Variants in MCM9 observed in about 807,000 individuals in gnomAD.
The protein encoded by MCM9 is DNA helicase MCM9.
In MCM9, 55 loss-of-function variants were observed where a neutral mutation model predicts 72.8. That is an observed-to-expected ratio of 0.76 (90% CI 0.61 to 0.95). The LOEUF is 0.95. Ranked by LOEUF, MCM9 falls within the 40% of genes least tolerant of loss-of-function variation. MCM9 has a pLI of 0.00. For synonymous variants in MCM9, 480 were observed against 503.4 expected (o/e 0.95, Z 0.62); for missense variants, 1,279 against 1,377.0 (o/e 0.93, Z 1.13).
At chr6:118,840,739 C>G (rs533449765) in intron 9 of MCM9, among the ~76,000 whole-genome samples, 79 of 105,574 alleles carry the variant, frequency 7.5e-4, no homozygotes, top group African/African-American at 1.8e-3. Flanking sequence ...TCCTCCCCCC[C>G]CCCTTTTTTT....
rs773497925 is a variant in MCM9 at position 118,924,176 on chromosome 6, A to G, written c.305-49T>C. 1.1e-5 allele frequency: 16 copies of G among 1,488,046 alleles called. No individual in the cohort carries two copies. The African/African-American group carries it at 2.1e-4, about 19-fold the overall frequency. 92.2% of individuals were successfully genotyped at this position (1,488,046 alleles called of 1,614,324 possible). A position where few individuals can be genotyped will look rare whatever the true frequency, so the allele number is the denominator to read the frequency against. ...GCATCAACTTCAATCTTGAGATTTG[A>G]CTCCAAGGGATATATTCTTCTCCTA... On this transcript the variant is annotated intron_variant, in intron 3 of 13. Transcript: ENST00000619706.
At chr6:118,895,465 C>G (rs951467966) in intron 8 of MCM9, among the ~76,000 whole-genome samples, 1 of 152,206 alleles carries the variant, frequency 6.6e-6, no homozygotes, top group Non-Finnish European at 1.5e-5. Flanking sequence ...GGAAGACTTT[C>G]TTCAAGACCG....
intron 8 of MCM9, among the ~76,000 whole-genome samples, chr6:118,866,805 T>C (rs1436591431): frequency 6.6e-6 from 1 of 152,086 alleles, no homozygotes; most frequent in African/African-American, 2.4e-5. Context: ...GGTAAGAAGA[T>C]AGAAAGCCAG....
chr6:118,849,091 G>A (rs758290975), intron 9 of MCM9, among the ~76,000 whole-genome samples: 4 of 151,668 alleles, frequency 2.6e-5, no homozygotes, highest in Admixed American at 2.6e-4. Context: ...CCAATTCTAC[G>A]CTGCATACAA....
intron 5 of MCM9, 23 bp from the exon 6 acceptor site, chr6:118,917,784 T>C: frequency 6.2e-7 from 1 of 1,602,628 alleles, no homozygotes; most frequent in Non-Finnish European, 8.5e-7. Flanking sequence ...ATCAAGTGAG[T>C]CCAGCAGTAG....
At chr6:118,899,976 C>T (rs1779694403) in intron 8 of MCM9, among the ~76,000 whole-genome samples, 1 of 152,240 alleles carries the variant, frequency 6.6e-6, no homozygotes, top group African/African-American at 2.4e-5. Context: ...TTCTACTCAT[C>T]TCTGGGTTCA....
At chr6:118,864,201 C>G (rs36172469) in intron 8 of MCM9, among the ~76,000 whole-genome samples, 23,985 of 151,880 alleles carry the variant, frequency 0.16, 2,038 homozygotes, top group Non-Finnish European at 0.2. Flanking sequence ...GTCTTTTGTC[C>G]CTCACCCCAC....
At position 118,932,613 on chromosome 6, in the gene MCM9, T is replaced by C; in HGVS notation, c.-22A>G. The C allele has an allele frequency of 1.0e-6, 1 of 984,830 alleles. No homozygotes were observed. The highest frequency in any genetic ancestry group is 1.2e-6 in the Non-Finnish European group (1 of 829,376). 61.0% of individuals were successfully genotyped at this position (984,830 alleles called of 1,614,324 possible). On this transcript the variant is annotated 5_prime_UTR_variant, in exon 2 of 14. Transcript: ENST00000619706. ...ATGTAACTGAAACACATACCATTAA[T>C]CAGACTGACAGCCAGTTCTGACATG...
intron 4 of MCM9, 71 bp from the exon 5 acceptor site, chr6:118,922,157 C>T: frequency 9.2e-7 from 1 of 1,083,056 alleles, no homozygotes; most frequent in South Asian, 1.7e-5. Context: ...TCTAGCAGTA[C>T]TTGAAATTAC....
chr6:118,869,655 A>G (rs1777471745), intron 8 of MCM9, among the ~76,000 whole-genome samples: 1 of 151,278 alleles, frequency 6.6e-6, no homozygotes, highest in Non-Finnish European at 1.5e-5. Context: ...GGAAGTCCTT[A>G]CTTGTCAGTA....
intron 8 of MCM9, among the ~76,000 whole-genome samples, chr6:118,898,788 A>G (rs2114510010): frequency 6.6e-6 from 1 of 152,236 alleles, no homozygotes; most frequent in South Asian, 2.1e-4. Flanking sequence ...CTTTCTTAAA[A>G]CAGTTTCTTC....
At chr6:118,846,515 T>G (rs181487979) in intron 9 of MCM9, among the ~76,000 whole-genome samples, 38 of 151,854 alleles carry the variant, frequency 2.5e-4, no homozygotes, top group Non-Finnish European at 4.9e-4. Context: ...TCAAAGTCAT[T>G]GACTACTGGA....
In MCM9 at chr6:118,814,944, A is replaced by G. The variant is rs753299568; in HGVS notation, c.3312T>C (p.Phe1104=). The change falls in exon 14 of 14, where the codon TTT becomes TTC. Residue 1104 remains phenylalanine, a synonymous_variant. Coordinates refer to ENST00000619706, the MANE Select transcript of MCM9 (RefSeq NM_017696.3). ...APMRVSKRKS[F]QLRGSTEKLI... is the part of the protein sequence containing the mutation. ...GTTTCTCGGTGGACCCACGGAGCTG[A>G]AAAGATTTCCTTTTACTGACACGCA... is the stretch of plus-strand genomic sequence containing the variant. The G allele has an allele frequency of 1.9e-6, 3 of 1,550,466 alleles. No individual in the cohort carries two copies. Among genetic ancestry groups the G allele is most frequent in the Middle Eastern group, 1.7e-4 (1 of 5,994 alleles).
chr6:118,885,370 G>C (rs1025288799), intron 8 of MCM9, among the ~76,000 whole-genome samples: 1 of 152,038 alleles, frequency 6.6e-6, no homozygotes, highest in Non-Finnish European at 1.5e-5. Flanking sequence ...GAAATTACTG[G>C]AATAGAGAAT....
chr6:118,876,730 C>T (rs1049578447), intron 8 of MCM9, among the ~76,000 whole-genome samples: 7 of 152,052 alleles, frequency 4.6e-5, no homozygotes, highest in African/African-American at 9.7e-5. Flanking sequence ...ATTGGGAGAA[C>T]GTATTTGCAA....
chr6:118,895,018 C>G (rs1055368306), intron 8 of MCM9, among the ~76,000 whole-genome samples: 1 of 152,160 alleles, frequency 6.6e-6, no homozygotes, highest in Non-Finnish European at 1.5e-5. Flanking sequence ...TGCCCCGCCG[C>G]CCGCCTGCCC....
intron 3 of MCM9, among the ~76,000 whole-genome samples, chr6:118,927,708 C>T (rs148152537): frequency 1.3e-5 from 2 of 152,028 alleles, no homozygotes; most frequent in African/African-American, 4.8e-5. Context: ...TATAGACAGA[C>T]ACTTGTTATT....
At chr6:118,864,252 C>A (rs975468984) in intron 8 of MCM9, among the ~76,000 whole-genome samples, 3 of 152,086 alleles carry the variant, frequency 2.0e-5, no homozygotes, top group African/African-American at 7.2e-5. Context: ...TTATATCATT[C>A]TCATGCTTTT....
At chr6:118,825,430 G>A (rs1409657743) in intron 13 of MCM9, among the ~76,000 whole-genome samples, 11 of 152,012 alleles carry the variant, frequency 7.2e-5, no homozygotes, top group Non-Finnish European at 1.5e-4. Context: ...TTTTTTTAAC[G>A]TAGTCAACAG....
Sources: gnomAD v4.1 joint callset for allele counts (sites outside exome capture counted in the v4.1 genomes callset) on GRCh38, gnomAD v4.1.1 for gene constraint, MANE v1.5 for transcripts, NCBI Gene and HGNC (gene_info 2026-07-23, HGNC 2026-07-21) for gene names.